The following AGMO variants were observed in gnomAD, a reference collection of about 807,000 sequenced individuals.
The protein encoded by AGMO is alkylglycerol monooxygenase.
Under a neutral mutation model 60.2 loss-of-function variants are expected in AGMO, and 75 were observed. That is an observed-to-expected ratio of 1.25 (90% CI 1.03 to 1.51). AGMO has a LOEUF of 1.51. AGMO is among the 40% of genes most tolerant of loss of function. The pLI is 0.00. For synonymous variants in AGMO, 261 were observed against 177.1 expected (o/e 1.47, Z -3.76); for missense variants, 763 against 525.5 (o/e 1.45, Z -4.42).
At chr7:15,334,390 T>G (rs1781588237) in intron 12 of AGMO, among the ~76,000 whole-genome samples, 1 of 152,126 alleles carries the variant, frequency 6.6e-6, no homozygotes, top group South Asian at 2.1e-4. Flanking sequence ...TGTCTTTGGG[T>G]CATTTAAAAA....
the AGMO span, among the ~76,000 whole-genome samples, chr7:15,165,216 C>G: frequency 1.2e-4 from 18 of 151,910 alleles, no homozygotes; most frequent in Non-Finnish European, 2.1e-4. Context: ...ATAATAGACA[C>G]TAGGGATGCT....
At chr7:15,550,933 A>C (rs1784937577) in intron 2 of AGMO, among the ~76,000 whole-genome samples, 1 of 136,958 alleles carries the variant, frequency 7.3e-6, no homozygotes, top group African/African-American at 2.8e-5. Flanking sequence ...ATACTGGCAA[A>C]CCGAATCCAG....
intron 12 of AGMO, chr7:15,306,569 T>C (rs1343348246): frequency 3.0e-6 from 1 of 330,224 alleles, no homozygotes; most frequent in South Asian, 1.8e-5. Flanking sequence ...AATATGACTG[T>C]GTAAAAAAAA....
chr7:15,301,590 T>C (rs1325280946), intron 12 of AGMO, among the ~76,000 whole-genome samples: 2 of 152,142 alleles, frequency 1.3e-5, no homozygotes, highest in Non-Finnish European at 2.9e-5. Flanking sequence ...TAAAAATCTA[T>C]ACAGATGAAT....
At chr7:15,145,551 G>T in the AGMO span, among the ~76,000 whole-genome samples, 1 of 152,024 alleles carries the variant, frequency 6.6e-6, no homozygotes, top group South Asian at 2.1e-4. Flanking sequence ...TCTCAAGATG[G>T]CAGTATTATC....
intron 12 of AGMO, among the ~76,000 whole-genome samples, chr7:15,231,597 A>G (rs1378693359): frequency 1.3e-5 from 2 of 152,254 alleles, no homozygotes; most frequent in East Asian, 3.8e-4. Flanking sequence ...GCTTTGCATA[A>G]TGAATGATCA....
At chr7:15,505,848 A>G (rs1783500192) in intron 3 of AGMO, among the ~76,000 whole-genome samples, 2 of 152,090 alleles carry the variant, frequency 1.3e-5, no homozygotes, top group South Asian at 4.1e-4. Context: ...AAAAAAAGTA[A>G]AACAAAAATT....
the AGMO span, among the ~76,000 whole-genome samples, chr7:15,156,701 G>A: frequency 6.6e-6 from 1 of 152,122 alleles, no homozygotes; most frequent in Non-Finnish European, 1.5e-5. Flanking sequence ...ATGCAGTGTT[G>A]GTAGCTTCCT....
intron 12 of AGMO, among the ~76,000 whole-genome samples, chr7:15,305,559 AAT>A (rs1178711949): frequency 2.0e-5 from 3 of 152,016 alleles, no homozygotes; most frequent in South Asian, 2.1e-4. Flanking sequence ...GGTTATATTA[AAT>A]ATGAGTAACA....
At chr7:15,250,361 C>T (rs1002204299) in intron 12 of AGMO, among the ~76,000 whole-genome samples, 4 of 152,048 alleles carry the variant, frequency 2.6e-5, no homozygotes, top group African/African-American at 9.7e-5. Flanking sequence ...AAAATTAAGG[C>T]ACAACAGTAA....
chr7:15,223,360 A>G (rs1781979759), intron 12 of AGMO, among the ~76,000 whole-genome samples: 1 of 151,952 alleles, frequency 6.6e-6, no homozygotes, highest in Non-Finnish European at 1.5e-5. Flanking sequence ...CTTCAGTGAT[A>G]TCATTGCATT....
At chr7:15,126,924 CACA>C in the AGMO span, among the ~76,000 whole-genome samples, 84 of 152,210 alleles carry the variant, frequency 5.5e-4, no homozygotes, top group African/African-American at 1.8e-3. Flanking sequence ...GCTTCCTCTG[CACA>C]ACAACACTTG....
At chr7:15,471,982 T>A (rs1782459773) in intron 3 of AGMO, among the ~76,000 whole-genome samples, 1 of 151,840 alleles carries the variant, frequency 6.6e-6, no homozygotes, top group African/African-American at 2.4e-5. Flanking sequence ...ACAAAGAATA[T>A]TTTTAAGAAG....
chr7:15,226,935 A>G (rs745367289), intron 12 of AGMO, among the ~76,000 whole-genome samples: 7 of 152,076 alleles, frequency 4.6e-5, no homozygotes, highest in Non-Finnish European at 7.4e-5. Flanking sequence ...CCAACAAAAT[A>G]CCACCTATAA....
chr7:15,175,247 A>G, the AGMO span, among the ~76,000 whole-genome samples: 4 of 151,882 alleles, frequency 2.6e-5, no homozygotes, highest in Admixed American at 6.6e-5. Flanking sequence ...CCATTTTTCC[A>G]ATAGATGTCA....
the AGMO span, among the ~76,000 whole-genome samples, chr7:15,144,331 GAAC>G: frequency 6.6e-6 from 1 of 152,092 alleles, no homozygotes; most frequent in South Asian, 2.1e-4. Context: ...GATTTATACA[GAAC>G]AATGATGTTT....
Position 15,253,238 on chromosome 7 carries a change from G to T in AGMO, c.1264-51879C>A, listed in dbSNP as rs76417629. Among the ~76,000 whole-genome samples the T allele has an allele frequency of 9.9e-5, 15 of 152,216 alleles. No individual in the cohort carries two copies. In the East Asian group the frequency reaches 1.7e-3, roughly 18 times the overall value. ...TGGGCTTTTTCAAAAGCAAAGGCCT[G>T]GGTAGGAACAAAAAAAGTGTGCATT... On this transcript the variant is annotated intron_variant, in intron 12 of 12. Coordinates refer to ENST00000342526, the MANE Select transcript of AGMO (RefSeq NM_001004320.2).
At chr7:15,457,717 A>G (rs944290455) in intron 3 of AGMO, among the ~76,000 whole-genome samples, 1 of 152,170 alleles carries the variant, frequency 6.6e-6, no homozygotes, top group African/African-American at 2.4e-5. Flanking sequence ...AGAAGTGGTA[A>G]TAATATTTAG....
chr7:15,300,705 C>A (rs1784540367), intron 12 of AGMO, among the ~76,000 whole-genome samples: 1 of 152,276 alleles, frequency 6.6e-6, no homozygotes, highest in South Asian at 2.1e-4. Flanking sequence ...TTTTCTACCG[C>A]TAACTGGCAT....
Sources: allele counts gnomAD v4.1 joint callset (sites outside exome capture counted in the v4.1 genomes callset), GRCh38; gene constraint gnomAD v4.1.1; transcripts MANE v1.5; gene names NCBI Gene and HGNC (gene_info 2026-07-23, HGNC 2026-07-21).